RPS6KA5: variants seen among roughly 807,000 people sequenced by gnomAD.
RPS6KA5 encodes ribosomal protein S6 kinase alpha-5.
Under a neutral mutation model 85.5 loss-of-function variants are expected in RPS6KA5, and 27 were observed. The ratio of observed to expected loss-of-function variants is 0.32; its 90% confidence interval spans 0.23 to 0.44. The LOEUF (loss-of-function observed/expected upper bound fraction) is 0.44. RPS6KA5 is among the 20% of genes least tolerant of loss of function. The pLI, the probability that RPS6KA5 is intolerant of heterozygous loss-of-function variation, is 1.00. For synonymous variants in RPS6KA5, 334 were observed against 348.2 expected, an observed-to-expected ratio of 0.96 and a Z score of 0.46; for missense variants, 811 against 980.9, an observed-to-expected ratio of 0.83 and a Z score of 2.31.
chr14:90,992,097 A>T (rs1365076885), intron 2 of RPS6KA5, among the ~76,000 whole-genome samples: 5 of 152,180 alleles, frequency 3.3e-5, no homozygotes, highest in Non-Finnish European at 7.3e-5. Flanking sequence ...AGTGCTGAAA[A>T]AAATTTATCT....
chr14:90,995,338 C>A (rs1211010892), intron 2 of RPS6KA5, among the ~76,000 whole-genome samples: 5 of 152,078 alleles, frequency 3.3e-5, no homozygotes, highest in Admixed American at 1.3e-4. Flanking sequence ...AAGTTGCAAA[C>A]CTGTATGATG....
At chr14:91,008,146 A>G (rs1488020171) in intron 1 of RPS6KA5, among the ~76,000 whole-genome samples, 1 of 152,266 alleles carries the variant, frequency 6.6e-6, no homozygotes, top group Non-Finnish European at 1.5e-5. Context: ...GTTTCAGCTA[A>G]GCTGCACAAA....
At chr14:90,985,483 G>C (rs988695511) in intron 2 of RPS6KA5, among the ~76,000 whole-genome samples, 3 of 152,184 alleles carry the variant, frequency 2.0e-5, no homozygotes, top group African/African-American at 7.2e-5. Context: ...GTTCTCACTA[G>C]GACCTGAATG....
chr14:90,916,653 G>A (rs1237426584), intron 7 of RPS6KA5, among the ~76,000 whole-genome samples: 1 of 143,538 alleles, frequency 7.0e-6, no homozygotes, highest in African/African-American at 2.6e-5. Flanking sequence ...GGATAATTTA[G>A]TTATCACATT....
intron 4 of RPS6KA5, among the ~76,000 whole-genome samples, chr14:90,944,495 C>T (rs1451732490): frequency 1.3e-5 from 2 of 151,886 alleles, no homozygotes; most frequent in Admixed American, 6.6e-5. Context: ...GTGGCTAACG[C>T]CCGTAATCCC....
chr14:91,059,093 C>T lies in RPS6KA5; in HGVS notation c.103+1239G>A, dbSNP rs375051985. ...CTGTAATCCCAGCACTTTGGGAGGC[C>T]GAGGCGGGCGGATCACTTGAGGTCG... On this transcript the variant is annotated intron_variant, in intron 1 of 16. Coordinates refer to ENST00000614987, the MANE Select transcript of RPS6KA5 (RefSeq NM_004755.4). Among the ~76,000 whole-genome samples the T allele has an allele frequency of 3.3e-5, 5 of 152,198 alleles. No homozygotes were observed. The East Asian group carries it at 5.8e-4, about 18-fold the overall frequency.
At chr14:91,045,021 C>T (rs2139914410) in intron 1 of RPS6KA5, among the ~76,000 whole-genome samples, 1 of 152,224 alleles carries the variant, frequency 6.6e-6, no homozygotes, top group South Asian at 2.1e-4. Flanking sequence ...TAGATTTTTA[C>T]CCACAGCCTC....
intron 3 of RPS6KA5, among the ~76,000 whole-genome samples, chr14:90,954,400 T>C (rs754752215): frequency 5.3e-5 from 8 of 152,062 alleles, no homozygotes; most frequent in Non-Finnish European, 1.2e-4. Context: ...GTGTGTAGTT[T>C]TGTTTGTTTT....
intron 15 of RPS6KA5, among the ~76,000 whole-genome samples, chr14:90,874,613 C>T (rs528866526): frequency 6.6e-6 from 1 of 152,286 alleles, no homozygotes; most frequent in East Asian, 1.9e-4. Flanking sequence ...GGCATAATCA[C>T]ATAGGGATTC....
intron 5 of RPS6KA5, among the ~76,000 whole-genome samples, chr14:90,929,287 G>C (rs1436902481): frequency 6.6e-6 from 1 of 151,706 alleles, no homozygotes; most frequent in Non-Finnish European, 1.5e-5. Flanking sequence ...CAAACACACA[G>C]AAACTAAAAG....
At chr14:90,909,676 G>A (rs1346734216) in intron 7 of RPS6KA5, among the ~76,000 whole-genome samples, 1 of 152,140 alleles carries the variant, frequency 6.6e-6, no homozygotes, top group Non-Finnish European at 1.5e-5. Context: ...ATATTACAAT[G>A]TATCATGAAA....
In RPS6KA5 at chr14:91,014,394, C is replaced by T. The variant is rs574798795; in HGVS notation, c.104-13235G>A. ...GCGTGCACCTGTAGTCCCAGCTACT[C>T]GGGAGGCTGAGGCAGGAGAATCGCT... On this transcript the variant is annotated intron_variant, in intron 1 of 16. Transcript: ENST00000614987. 1.7e-3 allele frequency among the ~76,000 whole-genome samples: 250 copies of T among 150,670 alleles called. 1 individual carries two copies. The highest frequency in any genetic ancestry group is 5.7e-3 in the African/African-American group (232 of 40,966).
chr14:90,920,149 A>T, intron 7 of RPS6KA5, 57 bp downstream of exon 7: 1 of 1,095,906 alleles, frequency 9.1e-7, no homozygotes. Context: ...TAACCGCAGA[A>T]ATGTGATCAG....
chr14:90,943,064 TAA>T lies in RPS6KA5; in HGVS notation c.618+12_618+13del. ...CATGCTGTTATTACTAACTTCAAAT[TAA>T]AATATACTCACTTCATCAGCCACAA... On this transcript the variant is annotated intron_variant, in intron 5 of 16. Coordinates refer to ENST00000614987, the MANE Select transcript of RPS6KA5 (RefSeq NM_004755.4). The T allele has an allele frequency of 6.9e-7, 1 of 1,447,688 alleles. No individual in the cohort carries two copies. Among genetic ancestry groups the T allele is most frequent in the Non-Finnish European group, 9.7e-7 (1 of 1,030,050 alleles). The allele number at this position is 1,447,688 out of a possible 1,614,324, so 89.7% of individuals were successfully genotyped here.
In RPS6KA5 at chr14:90,902,008, C is replaced by T. The variant is rs144320767; in HGVS notation, c.1119+800G>A. Among the ~76,000 whole-genome samples, 392 of 150,502 alleles carry T rather than the reference C, an allele frequency of 2.6e-3. 4 individuals carry two copies. Among genetic ancestry groups the T allele is most frequent in the Non-Finnish European group, 1.5e-3 (101 of 67,660 alleles). On this transcript the variant is annotated intron_variant, in intron 9 of 16. Coordinates refer to ENST00000614987, the MANE Select transcript of RPS6KA5 (RefSeq NM_004755.4). Reference sequence around the variant, plus strand: ...CCAGCTTAGGCAACAAAGTAAGACCCTGTTTCTACAATTTTTTTTTAATTA... The same window carrying T: ...CCAGCTTAGGCAACAAAGTAAGACCTTGTTTCTACAATTTTTTTTTAATTA...
At chr14:90,976,612 T>C (rs907181063) in intron 3 of RPS6KA5, among the ~76,000 whole-genome samples, 4 of 152,150 alleles carry the variant, frequency 2.6e-5, no homozygotes, top group Admixed American at 2.6e-4. Context: ...TTGTTGTTCA[T>C]GTGGGTAGAT....
intron 1 of RPS6KA5, among the ~76,000 whole-genome samples, chr14:91,006,048 G>T (rs1476945712): frequency 1.3e-5 from 2 of 152,104 alleles, no homozygotes; most frequent in Non-Finnish European, 2.9e-5. Context: ...TGGGAAAAAA[G>T]GACTTTTGCT....
intron 1 of RPS6KA5, among the ~76,000 whole-genome samples, chr14:91,020,894 T>A (rs747040344): frequency 1.3e-5 from 2 of 152,148 alleles, no homozygotes; most frequent in Non-Finnish European, 2.9e-5. Flanking sequence ...ATTTTTTGTT[T>A]CACTGGCACT....
chr14:90,998,751 GA>G (rs2040643475), intron 2 of RPS6KA5, among the ~76,000 whole-genome samples: 1 of 152,168 alleles, frequency 6.6e-6, no homozygotes, highest in Non-Finnish European at 1.5e-5. Flanking sequence ...CTAAATTTCT[GA>G]CAATAACATG....
Sources: gnomAD v4.1 joint callset for allele counts (sites outside exome capture counted in the v4.1 genomes callset) on GRCh38, gnomAD v4.1.1 for gene constraint, MANE v1.5 for transcripts, NCBI Gene and HGNC (gene_info 2026-07-23, HGNC 2026-07-21) for gene names.